The following ATP8A2 variants were observed in gnomAD, a reference collection of about 807,000 sequenced individuals.
ATP8A2 encodes the protein phospholipid-transporting ATPase IB.
In ATP8A2, 100 loss-of-function variants were observed where a neutral mutation model predicts 165.6. The observed-to-expected ratio is 0.60, with a 90% CI of 0.51 to 0.71. ATP8A2 has a LOEUF of 0.71. ATP8A2 is among the 30% of genes least tolerant of loss of function. The probability of loss-of-function intolerance (pLI) is 0.00; values close to 1 mark genes in which losing one functional copy is unlikely to be tolerated. For synonymous variants in ATP8A2, 543 were observed against 548.8 expected, an observed-to-expected ratio of 0.99 and a Z score of 0.15; for missense variants, 1,227 against 1,479.5, an observed-to-expected ratio of 0.83 and a Z score of 2.80.
intron 2 of ATP8A2, among the ~76,000 whole-genome samples, chr13:25,511,773 TC>T (rs2037232431): frequency 6.6e-6 from 1 of 152,170 alleles, no homozygotes; most frequent in Non-Finnish European, 1.5e-5. Context: ...TTGGTATGTG[TC>T]TCATTGTTGT....
intron 27 of ATP8A2, among the ~76,000 whole-genome samples, chr13:25,779,635 G>T (rs1593333898): frequency 6.6e-6 from 1 of 151,934 alleles, no homozygotes; most frequent in South Asian, 2.1e-4. Context: ...AGGAAAATTT[G>T]TCTATCAATA....
intron 24 of ATP8A2, among the ~76,000 whole-genome samples, chr13:25,598,776 C>T (rs1031728738): frequency 3.3e-5 from 5 of 152,030 alleles, no homozygotes; most frequent in Non-Finnish European, 5.9e-5. Context: ...TGTTATTTTG[C>T]ATGTCTAGTA....
chr13:25,731,427 A>G (rs2043641157), intron 25 of ATP8A2, among the ~76,000 whole-genome samples: 1 of 152,072 alleles, frequency 6.6e-6, no homozygotes, highest in African/African-American at 2.4e-5. Flanking sequence ...GGTGGGAATA[A>G]AGATAAGGAT....
chr13:25,635,002 C>T (rs766926810), intron 24 of ATP8A2, among the ~76,000 whole-genome samples: 1 of 152,028 alleles, frequency 6.6e-6, no homozygotes, highest in African/African-American at 2.4e-5. Flanking sequence ...GGGATGTTCC[C>T]TCTAATTTTA....
intron 1 of ATP8A2, among the ~76,000 whole-genome samples, chr13:25,428,799 G>C (rs552519490): frequency 1.3e-5 from 2 of 152,262 alleles, no homozygotes; most frequent in South Asian, 2.1e-4. Flanking sequence ...TTCCAATGTT[G>C]CCTCATTTCT....
At chr13:25,390,257 G>T (rs2033196605) in intron 1 of ATP8A2, among the ~76,000 whole-genome samples, 1 of 152,150 alleles carries the variant, frequency 6.6e-6, no homozygotes, top group Non-Finnish European at 1.5e-5. Context: ...GCCTCCCAAA[G>T]TGCTGGGATT....
At chr13:25,974,532 A>G (rs1955984458) in intron 35 of ATP8A2, among the ~76,000 whole-genome samples, 1 of 151,974 alleles carries the variant, frequency 6.6e-6, no homozygotes, top group Non-Finnish European at 1.5e-5. Flanking sequence ...CAGCCTTTGG[A>G]TTACAGCTTC....
chr13:25,992,268 A>T (rs1956411642), intron 35 of ATP8A2, among the ~76,000 whole-genome samples: 2 of 120,402 alleles, frequency 1.7e-5, no homozygotes, highest in African/African-American at 6.5e-5. Context: ...CTGCTTAGTG[A>T]TCTCTCTTTG....
chr13:25,844,564 T>C (rs1440708387), intron 30 of ATP8A2, among the ~76,000 whole-genome samples: 1 of 152,030 alleles, frequency 6.6e-6, no homozygotes, highest in Non-Finnish European at 1.5e-5. Flanking sequence ...GGAGAATGTA[T>C]ATCCTCCCCA....
Position 25,439,672 on chromosome 13 carries a change from A to C in ATP8A2, c.77-29305A>C, listed in dbSNP as rs185003226. ...ATGCCTGTAATCCCAGTGCTCTGAG[A>C]GGCCAAGGGCAGGAGGATCACTTGA... On this transcript the variant is annotated intron_variant, in intron 1 of 36. Transcript: ENST00000381655. Among the ~76,000 whole-genome samples, 31 of 152,268 alleles carry C rather than the reference A, an allele frequency of 2.0e-4. No individual in the cohort carries two copies. The East Asian group carries it at 3.3e-3, about 16-fold the overall frequency.
At chr13:25,801,809 T>C (rs1950627911) in intron 27 of ATP8A2, among the ~76,000 whole-genome samples, 1 of 152,160 alleles carries the variant, frequency 6.6e-6, no homozygotes, top group Non-Finnish European at 1.5e-5. Flanking sequence ...TAGTTCTGCA[T>C]GGCTGGGGAG....
At chr13:25,713,769 G>A (rs537728638) in intron 25 of ATP8A2, among the ~76,000 whole-genome samples, 3 of 152,012 alleles carry the variant, frequency 2.0e-5, no homozygotes, top group Admixed American at 6.6e-5. Flanking sequence ...GACAAACAAC[G>A]TGCCATGTTC....
At chr13:25,729,277 C>T (rs1193580475) in intron 25 of ATP8A2, among the ~76,000 whole-genome samples, 1 of 152,178 alleles carries the variant, frequency 6.6e-6, no homozygotes, top group Non-Finnish European at 1.5e-5. Context: ...TCAAGATAAC[C>T]TGGCCTTGGT....
At chr13:25,563,602 A>G (rs142291639) in intron 15 of ATP8A2, among the ~76,000 whole-genome samples, 55 of 152,134 alleles carry the variant, frequency 3.6e-4, no homozygotes, top group African/African-American at 1.3e-3. Flanking sequence ...CTCTTGTTTT[A>G]TTTGCTGTGA....
chr13:25,828,046 C>G (rs750076436), intron 27 of ATP8A2, 72 bp from the exon 28 acceptor site: 1 of 1,233,190 alleles, frequency 8.1e-7, no homozygotes, highest in African/African-American at 1.5e-5. Flanking sequence ...CACATTCCCG[C>G]TACTTCTTCA....
intron 2 of ATP8A2, among the ~76,000 whole-genome samples, chr13:25,519,465 GC>G (rs1300588122): frequency 1.3e-5 from 2 of 151,912 alleles, no homozygotes; most frequent in African/African-American, 4.8e-5. Flanking sequence ...ATCTCCGGGG[GC>G]TGGCACACTG....
At chr13:25,503,298 A>G (rs751509946) in intron 2 of ATP8A2, among the ~76,000 whole-genome samples, 1 of 152,208 alleles carries the variant, frequency 6.6e-6, no homozygotes, top group Non-Finnish European at 1.5e-5. Context: ...AATCAATGAC[A>G]TACGCAAACA....
At position 25,429,814 on chromosome 13, in the gene ATP8A2, G is replaced by A. The variant is rs556556292; in HGVS notation, c.77-39163G>A. 2.5e-4 allele frequency among the ~76,000 whole-genome samples: 38 copies of A among 152,284 alleles called. 3 individuals are homozygous for A. In the South Asian group the frequency reaches 5.2e-3, roughly 21 times the overall value. On this transcript the variant is annotated intron_variant, in intron 1 of 36. Transcript: ENST00000381655. ...GAGGCCACAGCATTGGGCAGGGAGC[G>A]CTCTCCAGGGCTTGGAGCCAGGGGT...
chr13:25,881,460 C>CTCCT (rs1417973492), intron 33 of ATP8A2, among the ~76,000 whole-genome samples: 1 of 152,112 alleles, frequency 6.6e-6, no homozygotes, highest in Non-Finnish European at 1.5e-5. Flanking sequence ...CTTTCTTTAG[C>CTCCT]TCCTTGGCTT....
Sources: allele counts gnomAD v4.1 joint callset (sites outside exome capture counted in the v4.1 genomes callset), GRCh38; gene constraint gnomAD v4.1.1; transcripts MANE v1.5; gene names NCBI Gene and HGNC (gene_info 2026-07-23, HGNC 2026-07-21).